FAM114A2: variants seen among roughly 807,000 people sequenced by gnomAD.
The protein encoded by FAM114A2 is protein FAM114A2.
In FAM114A2, 53 loss-of-function variants were observed where a neutral mutation model predicts 58.4. The ratio of observed to expected loss-of-function variants is 0.91; its 90% CI spans 0.73 to 1.14. The LOEUF (loss-of-function observed/expected upper bound fraction) is 1.14. FAM114A2 is among the 50% of genes most tolerant of loss of function. FAM114A2 has a pLI of 0.00. For missense variants in FAM114A2, 601 were observed against 581.1 expected, an observed-to-expected ratio of 1.03 and a Z score of -0.35; for synonymous variants, 228 against 211.4, an observed-to-expected ratio of 1.08 and a Z score of -0.68.
intron 8 of FAM114A2, among the ~76,000 whole-genome samples, chr5:154,011,799 G>A (rs1200057699): frequency 6.6e-6 from 1 of 152,168 alleles, no homozygotes; most frequent in Non-Finnish European, 1.5e-5. Context: ...CAGGAGAATA[G>A]GAAGAGTTTC....
chr5:154,030,991 A>G (rs1350227880), intron 4 of FAM114A2, among the ~76,000 whole-genome samples: 23 of 152,158 alleles, frequency 1.5e-4, no homozygotes, highest in Admixed American at 1.4e-3. Flanking sequence ...AGTAAAGGCC[A>G]CTATAGACTC....
rs551272931 is a variant in FAM114A2, at chr5:154,021,570, C to T, written c.913+4829G>A. Among the ~76,000 whole-genome samples the T allele has an allele frequency of 9.9e-5, 15 of 152,252 alleles. No individual in the cohort carries two copies. The South Asian group carries it at 2.9e-3, about 29-fold the overall frequency. On this transcript the variant is annotated intron_variant, in intron 8 of 13. Transcript: ENST00000351797. Reference sequence around the variant, plus strand: ...CAATTGCTTCAAAGAGAATAAAATACGTAAGAATCCAACTTACAAGGGATG... The same window carrying T: ...CAATTGCTTCAAAGAGAATAAAATATGTAAGAATCCAACTTACAAGGGATG...
chr5:154,033,385 C>T (rs1581840363), intron 4 of FAM114A2, among the ~76,000 whole-genome samples: 1 of 152,162 alleles, frequency 6.6e-6, no homozygotes, highest in Non-Finnish European at 1.5e-5. Context: ...AAAATCTGAA[C>T]ACAAAAGGAA....
At position 154,011,400 on chromosome 5, in the gene FAM114A2, AG is replaced by A. The variant is rs575428968; in HGVS notation, c.914-81del. ...GGTGGCAGGCGAGGAGGAAGAGGAG[AG>A]GAGTGGTAATAGCAGTGACAGTAGT... On this transcript the variant is annotated intron_variant, in intron 8 of 13. Transcript: ENST00000351797. The A allele has an allele frequency of 7.6e-5, 67 of 880,070 alleles. 1 individual carries two copies. The African/African-American group carries it at 8.6e-4, about 11-fold the overall frequency. 54.5% of individuals were successfully genotyped at this position (880,070 alleles called of 1,614,324 possible).
At chr5:154,019,200 C>T (rs990548798) in intron 8 of FAM114A2, among the ~76,000 whole-genome samples, 3 of 152,160 alleles carry the variant, frequency 2.0e-5, no homozygotes, top group African/African-American at 7.2e-5. Context: ...TTTCTGGATA[C>T]AAAATTAATG....
chr5:154,026,350 T>C (rs1256951173), intron 8 of FAM114A2, 49 bp downstream of exon 8: 13 of 1,438,376 alleles, frequency 9.0e-6, no homozygotes, highest in Non-Finnish European at 1.2e-5. Flanking sequence ...ATGCACTGCA[T>C]ACAAACACAC....
At chr5:153,996,163 A>G (rs1359274440) in intron 12 of FAM114A2, among the ~76,000 whole-genome samples, 1 of 152,198 alleles carries the variant, frequency 6.6e-6, no homozygotes, top group Non-Finnish European at 1.5e-5. Context: ...CAAAACTACA[A>G]TATCAAGACG....
At chr5:154,014,170 T>C (rs1373489257) in intron 8 of FAM114A2, among the ~76,000 whole-genome samples, 2 of 152,160 alleles carry the variant, frequency 1.3e-5, no homozygotes, top group Non-Finnish European at 2.9e-5. Flanking sequence ...TACCTTTACA[T>C]AGAATAAGGT....
intron 8 of FAM114A2, among the ~76,000 whole-genome samples, chr5:154,025,473 C>T (rs1234749578): frequency 6.6e-6 from 1 of 152,050 alleles, no homozygotes; most frequent in Non-Finnish European, 1.5e-5. Flanking sequence ...AAGTAGACAA[C>T]ATCTTAGTAT....
chr5:153,994,678 G>C, intron 13 of FAM114A2: 1 of 415,198 alleles, frequency 2.4e-6, no homozygotes, highest in Non-Finnish European at 4.4e-6. Context: ...AGCTGTCAAG[G>C]ATTAGTACTA....
intron 8 of FAM114A2, 177 bp downstream of exon 8, chr5:154,026,222 A>G: frequency 2.6e-6 from 1 of 388,670 alleles, no homozygotes. Context: ...GCCCCCATCA[A>G]TGCCTAGTCA....
chr5:153,998,696 T>C (rs572560384), intron 11 of FAM114A2, among the ~76,000 whole-genome samples: 1 of 152,214 alleles, frequency 6.6e-6, no homozygotes, highest in South Asian at 2.1e-4. Context: ...CTTTGTAAAT[T>C]ACCCAGCCTC....
intron 9 of FAM114A2, 76 bp from the exon 10 acceptor site, chr5:154,003,045 A>G: frequency 7.5e-7 from 1 of 1,334,120 alleles, no homozygotes; most frequent in East Asian, 2.3e-5. Flanking sequence ...CAGGAACACA[A>G]TAGCATCCTA....
intron 8 of FAM114A2, among the ~76,000 whole-genome samples, chr5:154,015,581 T>C (rs992666276): frequency 6.6e-6 from 1 of 152,084 alleles, no homozygotes; most frequent in Non-Finnish European, 1.5e-5. Flanking sequence ...GGAAGGGTGC[T>C]ACGTCAAGGA....
At chr5:154,033,756 C>T (rs1269195950) in intron 4 of FAM114A2, 35 bp downstream of exon 4, 10 of 1,248,108 alleles carry the variant, frequency 8.0e-6, no homozygotes, top group Non-Finnish European at 1.0e-5. Flanking sequence ...CATTTCAATT[C>T]ATAATTCTAG....
At chr5:154,030,972 CTTAG>C (rs1317529466) in intron 4 of FAM114A2, among the ~76,000 whole-genome samples, 3 of 152,048 alleles carry the variant, frequency 2.0e-5, no homozygotes, top group African/African-American at 4.8e-5. Context: ...ATAAACAGTA[CTTAG>C]TTAGAGTAAA....
rs548300666 is a variant in FAM114A2, at chr5:154,000,544, G to C, written c.1256+1707C>G. Among the ~76,000 whole-genome samples the C allele has an allele frequency of 1.4e-3, 212 of 152,194 alleles. 1 individual carries two copies. Among genetic ancestry groups the C allele is most frequent in the Middle Eastern group, 3.4e-3 (1 of 294 alleles). On this transcript the variant is annotated intron_variant, in intron 11 of 13. Coordinates refer to ENST00000351797, the MANE Select transcript of FAM114A2 (RefSeq NM_018691.4). Reference sequence around the variant, plus strand: ...AATTTGTGGGTGGAAGACATGAATGGAAATGTGTTCCAAATGACGGCAATC... The same window carrying C: ...AATTTGTGGGTGGAAGACATGAATGCAAATGTGTTCCAAATGACGGCAATC...
intron 4 of FAM114A2, 30 bp downstream of exon 4, chr5:154,033,761 T>C: frequency 7.8e-7 from 1 of 1,278,376 alleles, no homozygotes; most frequent in Non-Finnish European, 1.1e-6. Flanking sequence ...CAATTCATAA[T>C]TCTAGGTCTT....
At chr5:154,014,520 C>T (rs761025374) in intron 8 of FAM114A2, among the ~76,000 whole-genome samples, 1 of 152,146 alleles carries the variant, frequency 6.6e-6, no homozygotes, top group Non-Finnish European at 1.5e-5. Context: ...TCATCTACCC[C>T]AGAACACACA....
Sources: gnomAD v4.1 joint callset for allele counts (sites outside exome capture counted in the v4.1 genomes callset) on GRCh38, gnomAD v4.1.1 for gene constraint, MANE v1.5 for transcripts, NCBI Gene and HGNC (gene_info 2026-07-23, HGNC 2026-07-21) for gene names.